The following TMTC1 variants were observed in gnomAD, a reference collection of about 807,000 sequenced individuals.
The protein encoded by TMTC1 is protein O-mannosyl-transferase TMTC1.
In TMTC1, 73 loss-of-function variants were observed where a neutral mutation model predicts 104.8. That is an observed-to-expected ratio of 0.70 (90% CI 0.58 to 0.85). The LOEUF is 0.85. Among genes scored for constraint, TMTC1 ranks in the 40% least tolerant of loss-of-function variants. The pLI is 0.00. For synonymous variants in TMTC1, 434 were observed against 428.7 expected (o/e 1.01, Z -0.15); for missense variants, 1,035 against 1,096.1 (o/e 0.94, Z 0.79).
chr12:29,514,287 T>C (rs942590862), intron 16 of TMTC1, among the ~76,000 whole-genome samples, 195 bp downstream of exon 16: 16 of 152,148 alleles, frequency 1.1e-4, no homozygotes, highest in African/African-American at 3.1e-4. Context: ...TGCGCAACTC[T>C]GATTCAGTCA....
At chr12:29,728,329 G>A (rs1053680118) in intron 5 of TMTC1, among the ~76,000 whole-genome samples, 1 of 152,136 alleles carries the variant, frequency 6.6e-6, no homozygotes, top group East Asian at 1.9e-4. Flanking sequence ...ACGTGGGGAG[G>A]AGGAGGCCAC....
chr12:29,536,254 C>G lies in TMTC1; in HGVS notation c.1740G>C (p.Glu580Asp). 6.2e-7 allele frequency: 1 copy of G among 1,613,396 alleles called. No individual in the cohort carries two copies. Among genetic ancestry groups the G allele is most frequent in the Non-Finnish European group, 8.5e-7 (1 of 1,179,724 alleles). Reference protein sequence around the residue: ...LLKDSIKYGPEFADAYSSLAS... With the variant: ...LLKDSIKYGPDFADAYSSLAS... The stretch of plus-strand genomic sequence containing the variant: ...CTAAGCTTGAATATGCATCTGCAAA[C>G]TCTGGACCATATTTGATGGAATCCT... Residue 580 changes from glutamate to aspartate, a missense_variant, in exon 11 of 18, where the codon GAG becomes GAC. Physicochemically the swap from Glu to Asp is conservative, Grantham distance 45 (BLOSUM62 2). Transcript: ENST00000539277.
At chr12:29,624,729 A>G (rs1343959475) in intron 6 of TMTC1, among the ~76,000 whole-genome samples, 2 of 152,182 alleles carry the variant, frequency 1.3e-5, no homozygotes, top group Non-Finnish European at 2.9e-5. Context: ...CTAATATTTG[A>G]CAAATCAAGA....
At chr12:29,756,355 G>A (rs527378947) in intron 3 of TMTC1, among the ~76,000 whole-genome samples, 2 of 152,122 alleles carry the variant, frequency 1.3e-5, no homozygotes, top group African/African-American at 2.4e-5. Context: ...GGGATTAAAC[G>A]AATGACTTGT....
chr12:29,753,448 C>G (rs574409138), intron 4 of TMTC1, among the ~76,000 whole-genome samples: 1 of 152,194 alleles, frequency 6.6e-6, no homozygotes, highest in Non-Finnish European at 1.5e-5. Context: ...TGGAGCCACG[C>G]GGACATGGGT....
chr12:29,734,157 T>TA (rs1942612841), intron 5 of TMTC1, among the ~76,000 whole-genome samples: 1 of 152,216 alleles, frequency 6.6e-6, no homozygotes, highest in South Asian at 2.1e-4. Context: ...GGTATCTACT[T>TA]AAACTATGAT....
intron 5 of TMTC1, among the ~76,000 whole-genome samples, chr12:29,650,109 A>T (rs1939446582): frequency 2.1e-5 from 3 of 142,358 alleles, no homozygotes; most frequent in African/African-American, 5.3e-5. Context: ...TTCTTTGAGG[A>T]GTCTCGGTCT....
At chr12:29,772,257 T>C (rs747457196) in intron 1 of TMTC1, among the ~76,000 whole-genome samples, 2 of 152,240 alleles carry the variant, frequency 1.3e-5, no homozygotes, top group Non-Finnish European at 2.9e-5. Context: ...GAAATATCTG[T>C]GTGCCCATCT....
intron 10 of TMTC1, among the ~76,000 whole-genome samples, chr12:29,548,534 T>C (rs1375447761): frequency 6.6e-6 from 1 of 152,038 alleles, no homozygotes; most frequent in Non-Finnish European, 1.5e-5. Context: ...TTTTATAAAG[T>C]ACAGTTCCCC....
rs1050659135 is a variant in TMTC1, at chr12:29,517,546, C to T, written c.2050G>A (p.Glu684Lys). ...KRALQVAHKA[E>K]ILSPLGALYY... ...AGTGCTCCCAAAGGTGACAATATCTCAGCTTTGTGTGCCACCTGCAGGGCG... is the reference window on the plus strand; with the variant it reads ...AGTGCTCCCAAAGGTGACAATATCTTAGCTTTGTGTGCCACCTGCAGGGCG... The change falls in exon 14 of 18, where the codon GAG becomes AAG. Residue 684 changes from glutamate (E) to lysine (K), a missense_variant. Coordinates refer to ENST00000539277, the MANE Select transcript of TMTC1 (RefSeq NM_001193451.2). The T allele has an allele frequency of 6.8e-6, 11 of 1,614,142 alleles. No individual in the cohort carries two copies. The highest frequency in any genetic ancestry group is 9.3e-6 in the Non-Finnish European group (11 of 1,180,004).
At chr12:29,642,623 CA>C (rs1938905204) in intron 5 of TMTC1, among the ~76,000 whole-genome samples, 1 of 151,968 alleles carries the variant, frequency 6.6e-6, no homozygotes, top group Admixed American at 6.6e-5. Flanking sequence ...TCAAACAAAT[CA>C]GTAAGAAAAA....
At chr12:29,694,989 T>A (rs1941375979) in intron 5 of TMTC1, among the ~76,000 whole-genome samples, 1 of 152,120 alleles carries the variant, frequency 6.6e-6, no homozygotes, top group South Asian at 2.1e-4. Context: ...ATCTATTTTC[T>A]CAGATTTTTG....
Position 29,504,777 on chromosome 12 carries a change from T to G in TMTC1, c.*2069A>C, listed in dbSNP as rs565260804. 6.6e-6 allele frequency: 1 copy of G among 152,202 alleles called. No homozygotes were observed. The highest frequency in any genetic ancestry group is 1.5e-5 in the Non-Finnish European group (1 of 68,030). 9.4% of individuals were successfully genotyped at this position (152,202 alleles called of 1,614,324 possible). A position where few individuals can be genotyped will look rare whatever the true frequency, so the allele number is the denominator to read the frequency against. On this transcript the variant is annotated 3_prime_UTR_variant, in exon 18 of 18. Transcript: ENST00000539277. ...CACTTCAAGTAAGGCGTAATCACTA[T>G]TCAAAATTTGGGGCTCAGTCTTTTC... is the stretch of plus-strand genomic sequence containing the variant.
intron 2 of TMTC1, among the ~76,000 whole-genome samples, chr12:29,760,217 C>T (rs1943312765): frequency 6.6e-6 from 1 of 152,128 alleles, no homozygotes; most frequent in South Asian, 2.1e-4. Flanking sequence ...TTAAGCAATG[C>T]ATAATTGTAT....
Position 29,518,592 on chromosome 12 carries a change from G to A in TMTC1, c.1904C>T (p.Ala635Val), listed in dbSNP as rs529036614. The change falls in exon 13 of 18, where the codon GCA becomes GTA. Residue 635 changes from alanine to valine, a missense_variant. Coordinates refer to ENST00000539277, the MANE Select transcript of TMTC1 (RefSeq NM_001193451.2). The stretch of plus-strand genomic sequence containing the variant: ...GATGGCCTGCTGGTAATGGGCCACT[G>A]CCTTTTCTGGTAAGCCTGTAACCAG... ...FLVDTGLPEKAVAHYQQAIKL... is the reference protein window; with the variant it reads ...FLVDTGLPEKVVAHYQQAIKL... 6.2e-7 allele frequency: 1 copy of A among 1,614,052 alleles called. No individual in the cohort carries two copies. Among genetic ancestry groups the A allele is most frequent in the East Asian group, 2.2e-5 (1 of 44,878 alleles).
rs373318821 is a variant in TMTC1 at position 29,556,882 on chromosome 12, G to C, written c.1651C>G (p.Leu551Val). The change falls in exon 10 of 18, where the codon CTT (leucine) becomes GTT (valine). Residue 551 changes from leucine (L) to valine (V), a missense_variant. Transcript: ENST00000539277. ...LQLHPQHNRALFNLGNLLKSQ... is the reference protein window; with the variant it reads ...LQLHPQHNRAVFNLGNLLKSQ... ...TTGAGGAGATTCCCCAGATTGAAAA[G>C]AGCCCGGTTATGCTGTGGATGGAGC... 4 of 1,614,044 alleles carry C rather than the reference G, an allele frequency of 2.5e-6. No homozygotes were observed. The highest frequency in any genetic ancestry group is 3.4e-6 in the Non-Finnish European group (4 of 1,180,022).
chr12:29,588,188 C>A (rs1291604077), intron 7 of TMTC1, among the ~76,000 whole-genome samples: 1 of 152,216 alleles, frequency 6.6e-6, no homozygotes, highest in Non-Finnish European at 1.5e-5. Context: ...ACCACAAGCA[C>A]TGGATTTGAT....
chr12:29,777,932 T>C (rs1486949672), intron 1 of TMTC1, among the ~76,000 whole-genome samples: 2 of 152,182 alleles, frequency 1.3e-5, no homozygotes, highest in African/African-American at 4.8e-5. Context: ...AAAAGAAACA[T>C]ATCACCGTTT....
intron 11 of TMTC1, chr12:29,535,427 C>T (rs1208079853): frequency 6.6e-6 from 1 of 152,144 alleles, no homozygotes; most frequent in African/African-American, 2.4e-5. Flanking sequence ...CTGGAGCCTC[C>T]AAAAATTTCT....
Sources: gnomAD v4.1 joint callset for allele counts (sites outside exome capture counted in the v4.1 genomes callset) on GRCh38, gnomAD v4.1.1 for gene constraint, MANE v1.5 for transcripts, NCBI Gene and HGNC (gene_info 2026-07-23, HGNC 2026-07-21) for gene names.